The following XPNPEP3 variants were observed in gnomAD, a reference collection of about 807,000 sequenced individuals.
XPNPEP3 encodes the protein X-prolyl aminopeptidase 3.
Under a neutral mutation model 60.0 loss-of-function variants are expected in XPNPEP3, and 41 were observed. That is an observed-to-expected ratio of 0.68 (90% CI 0.53 to 0.89). XPNPEP3 has a LOEUF of 0.89. XPNPEP3 is among the 40% of genes least tolerant of loss of function. XPNPEP3 has a pLI of 0.00. For missense variants in XPNPEP3, 598 were observed against 638.9 expected, an observed-to-expected ratio of 0.94 and a Z score of 0.69; for synonymous variants, 212 against 223.2, an observed-to-expected ratio of 0.95 and a Z score of 0.45.
In XPNPEP3 at chr22:40,869,139, C is replaced by T. The variant is rs9623261; in HGVS notation, c.181+24C>T. 8.4e-3 allele frequency: 13,243 copies of T among 1,583,092 alleles called. 873 individuals carry two copies. The African/African-American group carries it at 0.15, about 18-fold the overall frequency. On this transcript the variant is annotated intron_variant, in intron 2 of 9. Coordinates refer to ENST00000357137, the MANE Select transcript of XPNPEP3 (RefSeq NM_022098.4). ...AGGTAAGGCCTTTTAACTGTGCTATCTCCCCATTTAGGTTCTGTCTAGAGC... is the reference window on the plus strand; with the variant it reads ...AGGTAAGGCCTTTTAACTGTGCTATTTCCCCATTTAGGTTCTGTCTAGAGC...
intron 4 of XPNPEP3, among the ~76,000 whole-genome samples, chr22:40,888,092 C>T (rs2058076037): frequency 6.6e-6 from 1 of 152,120 alleles, no homozygotes; most frequent in Admixed American, 6.6e-5. Flanking sequence ...TAATAACTTC[C>T]CATTCTCCCC....
chr22:40,888,359 T>C, intron 4 of XPNPEP3: 1 of 403,764 alleles, frequency 2.5e-6, no homozygotes, highest in East Asian at 9.2e-5. Flanking sequence ...TCCTCCCACC[T>C]TAGCCTCCCA....
rs774024859 is a variant in XPNPEP3, at chr22:40,861,118, T to C, written c.64+3873T>C. ...TGCACCTCTTTACGCTTCTTTTTTT[T>C]CCTCTTACCACCCTCTTTGACTCCT... On this transcript the variant is annotated intron_variant, in intron 1 of 9. Transcript: ENST00000357137. 7.4e-6 allele frequency: 12 copies of C among 1,611,186 alleles called. No individual in the cohort carries two copies. Among genetic ancestry groups the C allele is most frequent in the Middle Eastern group, 1.7e-4 (1 of 6,056 alleles).
At chr22:40,860,202 A>C (rs537330696) in intron 1 of XPNPEP3, 4 of 152,320 alleles carry the variant, frequency 2.6e-5, no homozygotes, top group African/African-American at 9.7e-5. Context: ...TCAGCCTCCT[A>C]AGTAGCTAGG....
intron 1 of XPNPEP3, among the ~76,000 whole-genome samples, chr22:40,865,556 G>A (rs930337709): frequency 6.6e-6 from 1 of 151,936 alleles, no homozygotes; most frequent in Non-Finnish European, 1.5e-5. Context: ...TCGAACTCCC[G>A]ACCTCAGGTG....
At chr22:40,890,822 T>G (rs2058085583) in intron 4 of XPNPEP3, among the ~76,000 whole-genome samples, 1 of 151,538 alleles carries the variant, frequency 6.6e-6, no homozygotes, top group Non-Finnish European at 1.5e-5. Context: ...GAGCTGAGAT[T>G]GCACCACTGC....
At chr22:40,908,230 GAGGCTGAGGCC>G (rs1379406978) in intron 5 of XPNPEP3, among the ~76,000 whole-genome samples, 3 of 150,020 alleles carry the variant, frequency 2.0e-5, no homozygotes, top group Non-Finnish European at 4.4e-5. Context: ...AAAAAAAAAA[GAGGCTGAGGCC>G]AGGCGTGCTG....
chr22:40,880,659 T>C (rs1011203867), intron 2 of XPNPEP3, among the ~76,000 whole-genome samples: 1 of 151,802 alleles, frequency 6.6e-6, no homozygotes, highest in African/African-American at 2.4e-5. Context: ...GTGAAATTGT[T>C]ACCTTTTTAA....
chr22:40,868,779 G>A (rs545723243), intron 1 of XPNPEP3, among the ~76,000 whole-genome samples: 2 of 151,990 alleles, frequency 1.3e-5, no homozygotes, highest in East Asian at 1.9e-4. Flanking sequence ...CCCAGGAGGT[G>A]GAGGTTGCAG....
At position 40,926,336 on chromosome 22, in the gene XPNPEP3, GGAT is replaced by G; in HGVS notation, c.1430_1432del (p.Asp477del). 1 of 1,614,142 alleles carries G rather than the reference GGAT, an allele frequency of 6.2e-7. No individual in the cohort carries two copies. The highest frequency in any genetic ancestry group is 1.1e-5 in the South Asian group (1 of 91,084). ...TTCGGGGTCTTGGTGTACGAATTGA[GGAT>G]GATGTAGTGGTGACTCAGGACTCAC... On this transcript the variant is annotated inframe_deletion, in exon 10 of 10. Transcript: ENST00000357137.
chr22:40,913,266 C>G (rs1046099787), intron 6 of XPNPEP3, among the ~76,000 whole-genome samples: 1 of 151,614 alleles, frequency 6.6e-6, no homozygotes, highest in Non-Finnish European at 1.5e-5. Context: ...ATCAAGAGAT[C>G]GAGACCATCC....
rs191279815 is a variant in XPNPEP3, at chr22:40,886,195, T to G, written c.590-118T>G. 1.6e-4 allele frequency: 161 copies of G among 989,734 alleles called. 3 individuals carry two copies. The highest frequency in any genetic ancestry group is 9.6e-4 in the Admixed American group (52 of 54,154). The allele number at this position is 989,734 out of a possible 1,614,324, so 61.3% of individuals were successfully genotyped here. A position where few individuals can be genotyped will look rare whatever the true frequency, so the allele number is the denominator to read the frequency against. ...GAGAGAGTCTTAAGTCTCAACACTT[T>G]AGAGTTCCACGTTACAGGTTTTATA... On this transcript the variant is annotated intron_variant, in intron 3 of 9. Coordinates refer to ENST00000357137, the MANE Select transcript of XPNPEP3 (RefSeq NM_022098.4).
chr22:40,905,046 G>A (rs750710490), intron 4 of XPNPEP3, among the ~76,000 whole-genome samples: 45 of 150,984 alleles, frequency 3.0e-4, no homozygotes, highest in Non-Finnish European at 5.9e-4. Flanking sequence ...GATTACAGGC[G>A]TGAGCCACCA....
At chr22:40,867,538 G>T (rs2057984533) in intron 1 of XPNPEP3, among the ~76,000 whole-genome samples, 1 of 151,982 alleles carries the variant, frequency 6.6e-6, no homozygotes, top group Admixed American at 6.6e-5. Flanking sequence ...CTTCTAAGAT[G>T]ATTACAAAGA....
intron 4 of XPNPEP3, among the ~76,000 whole-genome samples, chr22:40,893,388 C>T (rs1370748937): frequency 6.7e-6 from 1 of 149,424 alleles, no homozygotes; most frequent in Non-Finnish European, 1.5e-5. Flanking sequence ...TACCTGTAAT[C>T]CCAGCTACTC....
Position 40,926,497 on chromosome 22 carries a change from G to C in XPNPEP3, c.*62G>C, listed in dbSNP as rs1486085948. 1.9e-6 allele frequency: 3 copies of C among 1,582,858 alleles called. No individual in the cohort carries two copies. The highest frequency in any genetic ancestry group is 2.6e-6 in the Non-Finnish European group (3 of 1,153,126). ...TGGGTGTCTTCTGGCAGCCCTGCAC[G>C]TGTGCTTTCTGAGTGTCTCTGTGTG... On this transcript the variant is annotated 3_prime_UTR_variant, in exon 10 of 10. Coordinates refer to ENST00000357137, the MANE Select transcript of XPNPEP3 (RefSeq NM_022098.4).
chr22:40,886,120 G>A (rs2058067680), intron 3 of XPNPEP3, among the ~76,000 whole-genome samples, 193 bp from the exon 4 acceptor site: 1 of 152,054 alleles, frequency 6.6e-6, no homozygotes, highest in Non-Finnish European at 1.5e-5. Context: ...CCATTTCCAG[G>A]GAATGACCTT....
At chr22:40,919,776 C>T (rs1168049146) in intron 7 of XPNPEP3, among the ~76,000 whole-genome samples, 2 of 152,118 alleles carry the variant, frequency 1.3e-5, no homozygotes, top group African/African-American at 4.8e-5. Flanking sequence ...TGTCCATCAA[C>T]AGGAGAATGA....
intron 1 of XPNPEP3, chr22:40,861,480 GAGAA>G (rs765900450): frequency 6.2e-7 from 1 of 1,614,174 alleles, no homozygotes; most frequent in East Asian, 2.2e-5. Context: ...AGCCAGGGAA[GAGAA>G]AGAAGTAAGG....
Sources: gnomAD v4.1 joint callset for allele counts (sites outside exome capture counted in the v4.1 genomes callset) on GRCh38, gnomAD v4.1.1 for gene constraint, MANE v1.5 for transcripts, NCBI Gene and HGNC (gene_info 2026-07-23, HGNC 2026-07-21) for gene names.